The following GFPT1 variants were observed in gnomAD, a reference collection of about 807,000 sequenced individuals.
The protein encoded by GFPT1 is glutamine--fructose-6-phosphate transaminase 1.
A neutral mutation model predicts 92.0 loss-of-function variants in GFPT1; 40 were observed. The observed-to-expected ratio is 0.43, with a 90% CI of 0.34 to 0.57. The LOEUF is 0.57. GFPT1 is among the 20% of genes least tolerant of loss of function. The pLI is 0.02. For missense variants in GFPT1, 448 were observed against 869.1 expected (o/e 0.52, Z 6.09); for synonymous variants, 269 against 280.6 (o/e 0.96, Z 0.41).
At chr2:69,376,523 GAAAAA>G (rs11464823) in intron 1 of GFPT1, among the ~76,000 whole-genome samples, 3 of 144,884 alleles carry the variant, frequency 2.1e-5, no homozygotes, top group Non-Finnish European at 4.5e-5. Flanking sequence ...CATCTCAAAA[GAAAAA>G]AAAAAAAGTG....
At position 69,356,487 on chromosome 2, in the gene GFPT1, T is replaced by C. The variant is rs1405508795; in HGVS notation, c.605+9A>G. The C allele has an allele frequency of 6.3e-7, 1 of 1,590,936 alleles. No individual in the cohort carries two copies. The highest frequency in any genetic ancestry group is 2.2e-5 in the East Asian group (1 of 44,778). ...GAAATACATTAGTCATTGTTAGAGT[T>C]ATATGTACCTTGTGCCAACTGCTTG... is the stretch of plus-strand genomic sequence containing the variant. On this transcript the variant is annotated intron_variant, in intron 7 of 19. Coordinates refer to ENST00000357308, the MANE Select transcript of GFPT1 (RefSeq NM_001244710.2).
chr2:69,340,140 CTT>C (rs139786418), intron 13 of GFPT1, among the ~76,000 whole-genome samples: 67 of 99,082 alleles, frequency 6.8e-4, no homozygotes, highest in African/African-American at 2.3e-3. Flanking sequence ...GTTGGGGCAA[CTT>C]TTTTTTTTTT....
At chr2:69,362,293 A>G (rs1162207637) in intron 4 of GFPT1, among the ~76,000 whole-genome samples, 1 of 151,900 alleles carries the variant, frequency 6.6e-6, no homozygotes, top group Non-Finnish European at 1.5e-5. Context: ...CATCAAGCTA[A>G]TTTTTGTATT....
At chr2:69,332,589 G>C (rs1291164218) in intron 15 of GFPT1, among the ~76,000 whole-genome samples, 1 of 151,944 alleles carries the variant, frequency 6.6e-6, no homozygotes, top group Non-Finnish European at 1.5e-5. Flanking sequence ...ACAAGCATGA[G>C]CCACCACGCC....
At position 69,387,089 on chromosome 2, in the gene GFPT1, C is replaced by A. The variant is rs1250006096; in HGVS notation, c.-18G>T. 2.0e-6 allele frequency: 3 copies of A among 1,536,630 alleles called. No individual in the cohort carries two copies. Among genetic ancestry groups the A allele is most frequent in the Non-Finnish European group, 2.6e-6 (3 of 1,146,656 alleles). On this transcript the variant is annotated 5_prime_UTR_variant, in exon 1 of 20. Transcript: ENST00000357308. ...CCACACATGATGCCGGAGACACGGC[C>A]CGCGAGGCCAGGGGCGAGTGGCTGG...
chr2:69,384,609 G>T (rs552252366), intron 1 of GFPT1, among the ~76,000 whole-genome samples: 1 of 150,830 alleles, frequency 6.6e-6, no homozygotes, highest in East Asian at 1.9e-4. Flanking sequence ...CTACTCGGGA[G>T]GTTGAACCCC....
At position 69,356,381 on chromosome 2, in the gene GFPT1, T is replaced by C. The variant is rs1435126881; in HGVS notation, c.605+115A>G. Reference sequence around the variant, plus strand: ...AGATGTGAAAATATGCTCACATGAATATATCTAATAAAGGGCAGAGCCTTT... The same window carrying C: ...AGATGTGAAAATATGCTCACATGAACATATCTAATAAAGGGCAGAGCCTTT... On this transcript the variant is annotated intron_variant, in intron 7 of 19. Coordinates refer to ENST00000357308, the MANE Select transcript of GFPT1 (RefSeq NM_001244710.2). The C allele has an allele frequency of 2.4e-5, 19 of 797,120 alleles. No homozygotes were observed. The East Asian group carries it at 2.7e-4, about 11-fold the overall frequency. 49.4% of individuals were successfully genotyped at this position (797,120 alleles called of 1,614,324 possible).
At chr2:69,363,314 G>C (rs964304758) in intron 4 of GFPT1, among the ~76,000 whole-genome samples, 1 of 151,758 alleles carries the variant, frequency 6.6e-6, no homozygotes, top group Admixed American at 6.6e-5. Flanking sequence ...ATGTTGCCAC[G>C]GCTGATCGTG....
chr2:69,372,669 A>G (rs1046085655), intron 2 of GFPT1, among the ~76,000 whole-genome samples: 2 of 152,246 alleles, frequency 1.3e-5, no homozygotes, highest in Admixed American at 1.3e-4. Context: ...TTAGCATCTT[A>G]GGAAGAGAAT....
At chr2:69,352,537 C>T (rs1435878463) in intron 9 of GFPT1, among the ~76,000 whole-genome samples, 2 of 122,078 alleles carry the variant, frequency 1.6e-5, no homozygotes, top group Non-Finnish European at 3.2e-5. Context: ...CGCTTGAACC[C>T]GGGAGGCCGA....
chr2:69,365,684 A>G (rs565745389), intron 3 of GFPT1, among the ~76,000 whole-genome samples: 1 of 152,238 alleles, frequency 6.6e-6, no homozygotes, highest in Non-Finnish European at 1.5e-5. Flanking sequence ...AAACTCAGGC[A>G]TCTATTCTTT....
At chr2:69,381,556 CT>C (rs113920856) in intron 1 of GFPT1, among the ~76,000 whole-genome samples, 2,137 of 140,336 alleles carry the variant, frequency 0.015, 20 homozygotes, top group Middle Eastern at 0.036. Context: ...CTACTTGTAA[CT>C]TTTTTTTTTT....
At chr2:69,355,880 T>A (rs1337731312) in intron 7 of GFPT1, among the ~76,000 whole-genome samples, 4 of 152,102 alleles carry the variant, frequency 2.6e-5, no homozygotes, top group Non-Finnish European at 4.4e-5. Context: ...AAAGCTAATA[T>A]TTTAACTTTA....
At chr2:69,336,714 A>C (rs993422114) in intron 15 of GFPT1, among the ~76,000 whole-genome samples, 3 of 151,740 alleles carry the variant, frequency 2.0e-5, no homozygotes, top group African/African-American at 7.3e-5. Flanking sequence ...ACTTGAGCCC[A>C]TGAGTCTGAG....
At position 69,363,649 on chromosome 2, in the gene GFPT1, T is replaced by C. The variant is rs192925673; in HGVS notation, c.245A>G (p.Asp82Gly). ...EVHKQQDMDL[D>G]IEFDVHLGIA... ...TCCAAGGTGTACATCAAATTCTATA[T>C]CCAAATCCATATCTTGTTGCTCTGA... The change falls in exon 4 of 20, where the codon GAT becomes GGT. Residue 82 changes from aspartate (D) to glycine (G), a missense_variant. Asp to Gly is a moderately conservative substitution (Grantham distance 94). Coordinates refer to ENST00000357308, the MANE Select transcript of GFPT1 (RefSeq NM_001244710.2). The C allele has an allele frequency of 3.1e-6, 5 of 1,607,376 alleles. No individual in the cohort carries two copies. Among genetic ancestry groups the C allele is most frequent in the African/African-American group, 2.7e-5 (2 of 74,896 alleles).
At chr2:69,357,011 G>A (rs765547537) in intron 6 of GFPT1, among the ~76,000 whole-genome samples, 2 of 152,124 alleles carry the variant, frequency 1.3e-5, no homozygotes, top group Non-Finnish European at 2.9e-5. Context: ...GATTACAGGC[G>A]TGAGCCACCA....
intron 3 of GFPT1, among the ~76,000 whole-genome samples, chr2:69,365,785 A>G (rs1671595977): frequency 6.6e-6 from 1 of 152,216 alleles, no homozygotes; most frequent in South Asian, 2.1e-4. Context: ...GGCCAATGCA[A>G]GAAATGAAAA....
Position 69,376,540 on chromosome 2 carries a change from G to GA in GFPT1, c.8-2428dup, listed in dbSNP as rs199600828. ...TCTCAAAAGAAAAAAAAAAAAGTGT[G>GA]AAAAAAACTGAATCTGAACTAGTTC... On this transcript the variant is annotated intron_variant, in intron 1 of 19. Coordinates refer to ENST00000357308, the MANE Select transcript of GFPT1 (RefSeq NM_001244710.2). Among the ~76,000 whole-genome samples, 910 of 151,164 alleles carry GA rather than the reference G, an allele frequency of 6.0e-3. 11 individuals are homozygous for GA. Among genetic ancestry groups the GA allele is most frequent in the African/African-American group, 0.02 (813 of 41,160 alleles).
chr2:69,352,679 T>C (rs1671240472), intron 9 of GFPT1, among the ~76,000 whole-genome samples: 1 of 151,822 alleles, frequency 6.6e-6, no homozygotes, highest in South Asian at 2.1e-4. Flanking sequence ...GGCTTGAGTT[T>C]CACTGTGTTT....
Sources: gnomAD v4.1 joint callset for allele counts (sites outside exome capture counted in the v4.1 genomes callset) on GRCh38, gnomAD v4.1.1 for gene constraint, MANE v1.5 for transcripts, NCBI Gene and HGNC (gene_info 2026-07-23, HGNC 2026-07-21) for gene names.